The following DLG2 variants were observed in gnomAD, a reference collection of about 807,000 sequenced individuals.
DLG2 encodes discs large MAGUK scaffold protein 2.
Under a neutral mutation model 132.5 loss-of-function variants are expected in DLG2, and 45 were observed. That is an observed-to-expected ratio of 0.34 (90% confidence interval 0.27 to 0.44). The LOEUF is 0.44. Among genes scored for constraint, DLG2 ranks in the 20% least tolerant of loss-of-function variants. DLG2 has a pLI of 1.00. For missense variants in DLG2, 1,045 were observed against 1,196.9 expected (o/e 0.87, Z 1.87); for synonymous variants, 424 against 419.6 (o/e 1.01, Z -0.13).
At chr11:83,555,307 A>G (rs2096491933) in intron 19 of DLG2, among the ~76,000 whole-genome samples, 1 of 152,266 alleles carries the variant, frequency 6.6e-6, no homozygotes, top group Non-Finnish European at 1.5e-5. Context: ...TTTTTAGAGT[A>G]ATGGGAAGCC....
chr11:85,249,651 T>G (rs1391472112), intron 4 of DLG2, among the ~76,000 whole-genome samples: 3 of 151,966 alleles, frequency 2.0e-5, no homozygotes, highest in African/African-American at 7.2e-5. Flanking sequence ...AAAAGCAGAA[T>G]CAATGATGGA....
At chr11:83,482,521 A>T (rs1050025104) in intron 22 of DLG2, among the ~76,000 whole-genome samples, 5 of 152,164 alleles carry the variant, frequency 3.3e-5, no homozygotes, top group African/African-American at 1.2e-4. Context: ...ATACATGAAC[A>T]ATTAGAAAAT....
chr11:85,381,717 C>G (rs531708116), intron 3 of DLG2, among the ~76,000 whole-genome samples: 1 of 151,862 alleles, frequency 6.6e-6, no homozygotes, highest in Non-Finnish European at 1.5e-5. Context: ...TAGCAATGAA[C>G]AGTCCAAAAA....
chr11:83,998,066 G>A (rs1262542637), intron 11 of DLG2, among the ~76,000 whole-genome samples: 1 of 151,922 alleles, frequency 6.6e-6, no homozygotes, highest in African/African-American at 2.4e-5. Flanking sequence ...AACCCGGGAG[G>A]TGGAGGTTTC....
chr11:85,521,698 A>G (rs559190180), intron 3 of DLG2, among the ~76,000 whole-genome samples: 1 of 152,318 alleles, frequency 6.6e-6, no homozygotes, highest in African/African-American at 2.4e-5. Context: ...TGGACAATTA[A>G]GTTCAGGCTG....
intron 18 of DLG2, among the ~76,000 whole-genome samples, chr11:83,637,647 T>A (rs1389158698): frequency 6.6e-6 from 1 of 152,118 alleles, no homozygotes; most frequent in Non-Finnish European, 1.5e-5. Flanking sequence ...CCACAATTGT[T>A]TAGAATATAA....
At chr11:84,783,220 G>T (rs1007572879) in intron 6 of DLG2, among the ~76,000 whole-genome samples, 1 of 152,132 alleles carries the variant, frequency 6.6e-6, no homozygotes, top group East Asian at 1.9e-4. Context: ...ATTTGAAGTC[G>T]TTGGCTCAGT....
intron 3 of DLG2, among the ~76,000 whole-genome samples, chr11:85,439,938 T>C (rs2091693964): frequency 6.6e-6 from 1 of 152,194 alleles, no homozygotes; most frequent in Non-Finnish European, 1.5e-5. Context: ...TCATAAACGC[T>C]AGATAGAGGT....
At chr11:84,104,674 G>A (rs2092779824) in intron 9 of DLG2, among the ~76,000 whole-genome samples, 1 of 152,016 alleles carries the variant, frequency 6.6e-6, no homozygotes. Flanking sequence ...CAGTATGATT[G>A]CCACTGAAGA....
intron 10 of DLG2, 30 bp downstream of exon 10, chr11:84,098,893 C>A (rs778316675): frequency 6.2e-7 from 1 of 1,607,096 alleles, no homozygotes; most frequent in Admixed American, 1.7e-5. Flanking sequence ...GATTTACTTT[C>A]AAAATCATTC....
chr11:84,159,994 A>G (rs2095511357), intron 9 of DLG2, among the ~76,000 whole-genome samples: 1 of 152,202 alleles, frequency 6.6e-6, no homozygotes, highest in Admixed American at 6.5e-5. Context: ...ATATTAGGGC[A>G]GCAGTTACTT....
intron 18 of DLG2, among the ~76,000 whole-genome samples, chr11:83,718,043 G>A (rs1415299336): frequency 1.3e-5 from 2 of 152,178 alleles, no homozygotes; most frequent in African/African-American, 4.8e-5. Flanking sequence ...CCCTCTGGGG[G>A]TCCATTATGC....
chr11:83,527,528 G>T (rs914991993), intron 21 of DLG2, among the ~76,000 whole-genome samples: 5 of 151,586 alleles, frequency 3.3e-5, no homozygotes, highest in Non-Finnish European at 7.4e-5. Flanking sequence ...CTGGGCAACA[G>T]AGAGAGACCT....
chr11:84,286,481 C>A (rs1240393970), intron 7 of DLG2, among the ~76,000 whole-genome samples: 2 of 152,132 alleles, frequency 1.3e-5, no homozygotes, highest in Non-Finnish European at 2.9e-5. Context: ...ATATTGTTAA[C>A]TAGAACATGG....
intron 15 of DLG2, among the ~76,000 whole-genome samples, chr11:83,899,312 T>C (rs554264677): frequency 6.6e-6 from 1 of 152,316 alleles, no homozygotes; most frequent in Non-Finnish European, 1.5e-5. Flanking sequence ...CACCATCCTG[T>C]CTTCTTGATC....
chr11:85,584,498 A>C (rs755568427), intron 3 of DLG2, among the ~76,000 whole-genome samples: 16 of 152,242 alleles, frequency 1.1e-4, no homozygotes, highest in Non-Finnish European at 1.8e-4. Flanking sequence ...TCATATAATG[A>C]CATCTTTTCC....
intron 9 of DLG2, among the ~76,000 whole-genome samples, chr11:84,129,197 A>C (rs1334210316): frequency 6.6e-6 from 1 of 152,136 alleles, no homozygotes; most frequent in Non-Finnish European, 1.5e-5. Flanking sequence ...AAATCTAGGA[A>C]GGACTAAGAA....
chr11:84,454,249 G>C (rs1319887912), intron 7 of DLG2, among the ~76,000 whole-genome samples: 1 of 151,438 alleles, frequency 6.6e-6, no homozygotes, highest in Non-Finnish European at 1.5e-5. Context: ...GGAAGAAGAA[G>C]GCAAAAATTT....
At position 84,022,386 on chromosome 11, in the gene DLG2, T is replaced by TA. The variant is rs1371095404; in HGVS notation, c.919+36928dup. ...AAACACAACCAAGCTCAACAACACTTAGTCTTTTTGACATTTACTCCTGCA... is the reference window on the plus strand; with the variant it reads ...AAACACAACCAAGCTCAACAACACTTAAGTCTTTTTGACATTTACTCCTGCA... On this transcript the variant is annotated intron_variant, in intron 11 of 27. Coordinates refer to ENST00000376104, the MANE Select transcript of DLG2 (RefSeq NM_001142699.3). Among the ~76,000 whole-genome samples the TA allele has an allele frequency of 3.3e-5, 5 of 152,272 alleles. 1 individual carries two copies. Among genetic ancestry groups the TA allele is most frequent in the African/African-American group, 1.2e-4 (5 of 41,558 alleles).
Sources: allele counts gnomAD v4.1 joint callset (sites outside exome capture counted in the v4.1 genomes callset), GRCh38; gene constraint gnomAD v4.1.1; transcripts MANE v1.5; gene names NCBI Gene and HGNC (gene_info 2026-07-23, HGNC 2026-07-21).